Variants in CUL3 observed in about 807,000 individuals in gnomAD.
CUL3 encodes the protein cullin 3.
Under a neutral mutation model 89.1 loss-of-function variants are expected in CUL3, and 19 were observed. The ratio of observed to expected loss-of-function variants is 0.21; its 90% CI spans 0.15 to 0.31. CUL3 has a LOEUF of 0.31. Ranked by LOEUF, CUL3 falls within the 10% of genes least tolerant of loss-of-function variation. CUL3 has a pLI of 1.00. For missense variants in CUL3, 469 were observed against 942.3 expected, an observed-to-expected ratio of 0.50 and a Z score of 6.58; for synonymous variants, 351 against 308.4, an observed-to-expected ratio of 1.14 and a Z score of -1.45.
At chr2:224,577,512 T>C (rs1381169891) in intron 1 of CUL3, among the ~76,000 whole-genome samples, 2 of 150,866 alleles carry the variant, frequency 1.3e-5, no homozygotes, top group Non-Finnish European at 2.9e-5. Context: ...GAGCTTGCAC[T>C]GAGCTGAGAT....
chr2:224,491,456 A>T (rs1478173707), intron 13 of CUL3, among the ~76,000 whole-genome samples: 1 of 152,188 alleles, frequency 6.6e-6, no homozygotes, highest in Non-Finnish European at 1.5e-5. Flanking sequence ...TTCTAAAGAA[A>T]TGTTTTCTCA....
chr2:224,571,972 G>A (rs558788983), intron 1 of CUL3, among the ~76,000 whole-genome samples: 2 of 152,310 alleles, frequency 1.3e-5, no homozygotes, highest in Admixed American at 6.5e-5. Flanking sequence ...AGATCACACA[G>A]AGCAATGAAG....
At chr2:224,537,952 AT>A (rs142508375) in intron 2 of CUL3, among the ~76,000 whole-genome samples, 2,262 of 152,278 alleles carry the variant, frequency 0.015, 58 homozygotes, top group African/African-American at 0.051. Flanking sequence ...TTATAAAAAA[AT>A]ATATCAAGTA....
intron 12 of CUL3, among the ~76,000 whole-genome samples, chr2:224,496,441 G>A (rs896845433): frequency 3.9e-5 from 6 of 152,158 alleles, no homozygotes; most frequent in African/African-American, 7.2e-5. Flanking sequence ...TTCTTAAAAT[G>A]TGTGCACACA....
At chr2:224,555,565 C>G (rs184878665) in intron 2 of CUL3, among the ~76,000 whole-genome samples, 29 of 152,206 alleles carry the variant, frequency 1.9e-4, no homozygotes, top group African/African-American at 7.0e-4. Flanking sequence ...AGTCTGGCAC[C>G]CAAATTTTTC....
chr2:224,568,188 C>A (rs1286701750), intron 1 of CUL3, among the ~76,000 whole-genome samples: 1 of 152,204 alleles, frequency 6.6e-6, no homozygotes, highest in Non-Finnish European at 1.5e-5. Context: ...GTTAACAACT[C>A]CTTCTCAGTT....
At chr2:224,550,080 CTT>C (rs1373869008) in intron 2 of CUL3, among the ~76,000 whole-genome samples, 2 of 152,148 alleles carry the variant, frequency 1.3e-5, no homozygotes, top group African/African-American at 2.4e-5. Context: ...CCTCTTTTCT[CTT>C]GTCTCTGTGA....
intron 13 of CUL3, among the ~76,000 whole-genome samples, chr2:224,493,418 C>CG (rs1467877123): frequency 7.9e-5 from 12 of 152,220 alleles, no homozygotes; most frequent in Non-Finnish European, 1.5e-4. Flanking sequence ...CTTGTGCCTT[C>CG]TCACAATGCC....
rs185000323 is a variant in CUL3 at position 224,512,330 on chromosome 2, T to C, written c.655-748A>G. Among the ~76,000 whole-genome samples the C allele has an allele frequency of 3.0e-3, 459 of 152,170 alleles. 2 individuals are homozygous for C. The highest frequency in any genetic ancestry group is 4.7e-3 in the Non-Finnish European group (317 of 68,000). On this transcript the variant is annotated intron_variant, in intron 5 of 15. Coordinates refer to ENST00000264414, the MANE Select transcript of CUL3 (RefSeq NM_003590.5). The stretch of plus-strand genomic sequence containing the variant: ...CCAGGATGGTCTCAATCTCCTGATA[T>C]AGTGATCCACTCGTCTCAGCCTCCC...
At chr2:224,502,242 T>C (rs533457793) in intron 10 of CUL3, among the ~76,000 whole-genome samples, 2 of 152,344 alleles carry the variant, frequency 1.3e-5, no homozygotes, top group African/African-American at 2.4e-5. Context: ...ATCTGTTAAA[T>C]GGTTGTGACA....
chr2:224,517,195 G>A (rs1360409164), intron 3 of CUL3, among the ~76,000 whole-genome samples: 1 of 152,138 alleles, frequency 6.6e-6, no homozygotes, highest in East Asian at 1.9e-4. Context: ...AGAGACAGGA[G>A]AATACCTTTT....
In CUL3 at chr2:224,585,258, G is replaced by C. The variant is rs1238649394; in HGVS notation, c.-249C>G. On this transcript the variant is annotated 5_prime_UTR_variant, in exon 1 of 16. Coordinates refer to ENST00000264414, the MANE Select transcript of CUL3 (RefSeq NM_003590.5). Reference sequence around the variant, plus strand: ...GCTGCGCTGGCGCGGCGGCTCCGCGGGGTCCCCCTCACGTCCGGCTCGGCT... The same window carrying C: ...GCTGCGCTGGCGCGGCGGCTCCGCGCGGTCCCCCTCACGTCCGGCTCGGCT... 4 of 397,136 alleles carry C rather than the reference G, an allele frequency of 1.0e-5. No homozygotes were observed. The highest frequency in any genetic ancestry group is 1.8e-5 in the Non-Finnish European group (4 of 226,326). The allele number at this position is 397,136 out of a possible 1,614,324, so 24.6% of individuals were successfully genotyped here. A position where few individuals can be genotyped will look rare whatever the true frequency, so the allele number is the denominator to read the frequency against.
chr2:224,497,553 A>G (rs976179501), intron 12 of CUL3, among the ~76,000 whole-genome samples, 200 bp downstream of exon 12: 7 of 152,164 alleles, frequency 4.6e-5, no homozygotes, highest in African/African-American at 1.2e-4. Flanking sequence ...ATACTGGTAT[A>G]GTCTTCATAT....
chr2:224,503,618 A>C (rs748056017), intron 9 of CUL3, 34 bp downstream of exon 9: 4 of 1,499,084 alleles, frequency 2.7e-6, no homozygotes, highest in Non-Finnish European at 3.6e-6. Context: ...AACCTCAGTT[A>C]GGTGCACTCT....
intron 1 of CUL3, among the ~76,000 whole-genome samples, chr2:224,567,803 C>T (rs184338924): frequency 1.7e-4 from 26 of 152,174 alleles, no homozygotes; most frequent in Admixed American, 1.2e-3. Flanking sequence ...GAACTCCAAC[C>T]TCATGGAATC....
intron 2 of CUL3, among the ~76,000 whole-genome samples, chr2:224,548,121 A>C (rs1694372002): frequency 6.6e-6 from 1 of 152,240 alleles, no homozygotes; most frequent in South Asian, 2.1e-4. Context: ...GTCACTTGAA[A>C]CTTGAAACCA....
Position 224,513,644 on chromosome 2 carries a change from GAA to G in CUL3, c.540-8_540-7del. ...AAGCATTTCTTATTGCGCCTCTGTC[GAA>G]AAAAGTTATTATCACTTGATAATTA... On this transcript the variant is annotated splice_polypyrimidine_tract_variant and splice_region_variant and intron_variant, in intron 4 of 15. Coordinates refer to ENST00000264414, the MANE Select transcript of CUL3 (RefSeq NM_003590.5). The G allele has an allele frequency of 6.5e-7, 1 of 1,546,522 alleles. No individual in the cohort carries two copies. The highest frequency in any genetic ancestry group is 8.7e-7 in the Non-Finnish European group (1 of 1,148,450).
chr2:224,559,581 T>C (rs1694840041), intron 1 of CUL3, among the ~76,000 whole-genome samples: 1 of 152,134 alleles, frequency 6.6e-6, no homozygotes, highest in Non-Finnish European at 1.5e-5. Context: ...GAAGAGGAGA[T>C]TGTACATGCA....
chr2:224,513,495 G>A (rs371952568), intron 5 of CUL3, 29 bp downstream of exon 5: 2 of 1,305,714 alleles, frequency 1.5e-6, no homozygotes, highest in Admixed American at 2.1e-5. Context: ...CATCTTAAAA[G>A]ATTATTTATT....
Sources: gnomAD v4.1 joint callset for allele counts (sites outside exome capture counted in the v4.1 genomes callset) on GRCh38, gnomAD v4.1.1 for gene constraint, MANE v1.5 for transcripts, NCBI Gene and HGNC (gene_info 2026-07-23, HGNC 2026-07-21) for gene names.